Variants in GPM6A observed in about 807,000 individuals in gnomAD.
GPM6A encodes glycoprotein M6A.
GPM6A carries 7 observed loss-of-function variants against 32.1 expected under a neutral mutation model. The observed-to-expected ratio is 0.22, with a 90% CI of 0.12 to 0.41. GPM6A has a LOEUF of 0.41. Among genes scored for constraint, GPM6A ranks in the 10% least tolerant of loss-of-function variants. The pLI is 1.00. For synonymous variants in GPM6A, 130 were observed against 123.4 expected (o/e 1.05, Z -0.35); for missense variants, 235 against 347.2 (o/e 0.68, Z 2.57).
chr4:175,976,249 G>A (rs1740656322), intron 1 of GPM6A, among the ~76,000 whole-genome samples: 1 of 146,282 alleles, frequency 6.8e-6, no homozygotes, highest in Non-Finnish European at 1.5e-5. Flanking sequence ...TGCAAGCTCC[G>A]CCTCCCAAGT....
chr4:175,739,309 A>G (rs1217282569), intron 1 of GPM6A, among the ~76,000 whole-genome samples: 1 of 152,118 alleles, frequency 6.6e-6, no homozygotes, highest in Non-Finnish European at 1.5e-5. Context: ...TTCAATCGTC[A>G]ATAATAATAA....
intron 1 of GPM6A, among the ~76,000 whole-genome samples, chr4:175,951,385 T>C (rs555157965): frequency 1.3e-5 from 2 of 152,336 alleles, no homozygotes; most frequent in Non-Finnish European, 2.9e-5. Context: ...ATTCCCATGA[T>C]GTCCATATGA....
intron 1 of GPM6A, among the ~76,000 whole-genome samples, chr4:175,953,350 A>C (rs182441844): frequency 2.4e-4 from 37 of 152,290 alleles, no homozygotes; most frequent in African/African-American, 8.2e-4. Flanking sequence ...AATAGATGTG[A>C]AAATGACTCC....
chr4:175,876,648 A>G (rs1383980623), intron 1 of GPM6A, among the ~76,000 whole-genome samples: 1 of 152,194 alleles, frequency 6.6e-6, no homozygotes, highest in Non-Finnish European at 1.5e-5. Flanking sequence ...AAGAGACCTG[A>G]AAGGGTATGC....
chr4:175,855,893 C>T lies in GPM6A; in HGVS notation c.-22-43644G>A, dbSNP rs543593490. Reference sequence around the variant, plus strand: ...CAACTGAGAGGAAGCAATGACACTCCGGCAACAATGAAAACACCTAACTAG... The same window carrying T: ...CAACTGAGAGGAAGCAATGACACTCTGGCAACAATGAAAACACCTAACTAG... On this transcript the variant is annotated intron_variant, in intron 1 of 7. Coordinates refer to the GPM6A transcript ENST00000280187. Among the ~76,000 whole-genome samples, 44 of 152,158 alleles carry T rather than the reference C, an allele frequency of 2.9e-4. No homozygotes were observed. In the South Asian group the frequency reaches 5.6e-3, roughly 19 times the overall value.
intron 4 of GPM6A, among the ~76,000 whole-genome samples, chr4:175,645,707 C>T (rs959978814): frequency 1.1e-4 from 16 of 151,996 alleles, no homozygotes; most frequent in Non-Finnish European, 2.1e-4. Flanking sequence ...GGCGACAGAG[C>T]AAGACTCCGT....
At chr4:175,927,151 T>A (rs1738868744) in intron 1 of GPM6A, among the ~76,000 whole-genome samples, 1 of 152,246 alleles carries the variant, frequency 6.6e-6, no homozygotes, top group South Asian at 2.1e-4. Flanking sequence ...AAAAGTTAAG[T>A]TTGGAGACCA....
chr4:175,983,829 C>T (rs1163560264), intron 1 of GPM6A, among the ~76,000 whole-genome samples: 3 of 152,138 alleles, frequency 2.0e-5, no homozygotes, highest in African/African-American at 7.2e-5. Flanking sequence ...TTCTTTCTGG[C>T]AGGTTTTGTG....
intron 1 of GPM6A, among the ~76,000 whole-genome samples, chr4:175,771,399 C>G (rs1394770499): frequency 1.3e-5 from 2 of 151,932 alleles, no homozygotes; most frequent in African/African-American, 4.8e-5. Flanking sequence ...TGGCGAAACC[C>G]TGTCTCTACT....
At chr4:175,718,684 C>T (rs1298821025) in intron 1 of GPM6A, among the ~76,000 whole-genome samples, 2 of 152,092 alleles carry the variant, frequency 1.3e-5, no homozygotes, top group African/African-American at 2.4e-5. Context: ...ATATGACACA[C>T]ACACATAAAC....
chr4:175,881,577 A>C (rs1737277080), intron 1 of GPM6A, among the ~76,000 whole-genome samples: 1 of 152,220 alleles, frequency 6.6e-6, no homozygotes, highest in African/African-American at 2.4e-5. Context: ...CACAATAGCA[A>C]AGACTTGGAA....
rs532768387 is a variant in GPM6A at position 175,981,452 on chromosome 4, T to TA, written c.-23+20856dup. Reference sequence around the variant, plus strand: ...CACTCTTAAGCACTGCTTTGTTTTTTATCTTGATTGCCTTTTGAGAGTGTC... The same window carrying TA: ...CACTCTTAAGCACTGCTTTGTTTTTTAATCTTGATTGCCTTTTGAGAGTGTC... On this transcript the variant is annotated intron_variant, in intron 1 of 7. Coordinates refer to the GPM6A transcript ENST00000280187. Among the ~76,000 whole-genome samples the TA allele has an allele frequency of 1.4e-3, 215 of 152,354 alleles. 3 individuals are homozygous for TA. Among genetic ancestry groups the TA allele is most frequent in the East Asian group, 7.5e-3 (39 of 5,192 alleles).
intron 1 of GPM6A, among the ~76,000 whole-genome samples, chr4:175,757,696 T>A (rs1314605126): frequency 1.3e-5 from 2 of 152,032 alleles, no homozygotes; most frequent in African/African-American, 4.8e-5. Flanking sequence ...ATTTTAAAGT[T>A]CAAGGAAAAA....
chr4:175,865,773 T>G (rs1736715006), intron 1 of GPM6A, among the ~76,000 whole-genome samples: 1 of 152,178 alleles, frequency 6.6e-6, no homozygotes, highest in Non-Finnish European at 1.5e-5. Context: ...TTGTCTATTC[T>G]GCTGAGGAAT....
chr4:175,634,570 T>A lies in GPM6A; in HGVS notation c.*335A>T, dbSNP rs1018788569. 6 of 196,786 alleles carry A rather than the reference T, an allele frequency of 3.0e-5. No individual in the cohort carries two copies. Among genetic ancestry groups the A allele is most frequent in the Non-Finnish European group, 6.1e-5 (6 of 97,824 alleles). The allele number at this position is 196,786 out of a possible 1,614,324, so 12.2% of individuals were successfully genotyped here. A position where few individuals can be genotyped will look rare whatever the true frequency, so the allele number is the denominator to read the frequency against. Reference sequence around the variant, plus strand: ...ACATAAGAAATAATGCAAAAGGTGTTATGTATAACACATGGGAAGTGGTTA... The same window carrying A: ...ACATAAGAAATAATGCAAAAGGTGTAATGTATAACACATGGGAAGTGGTTA... On this transcript the variant is annotated 3_prime_UTR_variant, in exon 7 of 7. Coordinates refer to ENST00000393658, the MANE Select transcript of GPM6A (RefSeq NM_201591.3).
At chr4:175,951,702 A>G (rs1305677945) in intron 1 of GPM6A, among the ~76,000 whole-genome samples, 1 of 152,270 alleles carries the variant, frequency 6.6e-6, no homozygotes, top group Non-Finnish European at 1.5e-5. Context: ...AGAATTATAT[A>G]GCTTTATACA....
intron 2 of GPM6A, among the ~76,000 whole-genome samples, chr4:175,681,555 C>T (rs1743689838): frequency 6.6e-6 from 1 of 151,986 alleles, no homozygotes; most frequent in Non-Finnish European, 1.5e-5. Context: ...TTGTAATCCC[C>T]AATGCTGGAG....
chr4:175,952,285 T>C (rs1051290903), intron 1 of GPM6A, among the ~76,000 whole-genome samples: 1 of 152,220 alleles, frequency 6.6e-6, no homozygotes, highest in African/African-American at 2.4e-5. Flanking sequence ...GATACTATAT[T>C]CCTTAAGAAG....
At position 175,924,378 on chromosome 4, in the gene GPM6A, T is replaced by C. The variant is rs971850939; in HGVS notation, c.-23+77931A>G. On this transcript the variant is annotated intron_variant, in intron 1 of 7. Coordinates refer to the GPM6A transcript ENST00000280187. ...ATGCTCCTGCCATTCCGACCACACA[T>C]TGTAACCCCCAAAGGTGCTGTGGCC... Among the ~76,000 whole-genome samples, 25 of 152,082 alleles carry C rather than the reference T, an allele frequency of 1.6e-4. 1 individual carries two copies.
Sources: gnomAD v4.1 joint callset for allele counts (sites outside exome capture counted in the v4.1 genomes callset) on GRCh38, gnomAD v4.1.1 for gene constraint, MANE v1.5 for transcripts, NCBI Gene and HGNC (gene_info 2026-07-23, HGNC 2026-07-21) for gene names.